Variants in SRPK2 observed in about 807,000 individuals in gnomAD.
SRPK2 encodes SRSF protein kinase 2.
Under a neutral mutation model 90.8 loss-of-function variants are expected in SRPK2, and 21 were observed. The ratio of observed to expected loss-of-function variants is 0.23; its 90% CI spans 0.16 to 0.33. The LOEUF is 0.33. SRPK2 is among the 10% of genes least tolerant of loss of function. The pLI is 1.00. For missense variants in SRPK2, 620 were observed against 869.0 expected, an observed-to-expected ratio of 0.71 and a Z score of 3.60; for synonymous variants, 288 against 311.1, an observed-to-expected ratio of 0.93 and a Z score of 0.78.
intron 2 of SRPK2, among the ~76,000 whole-genome samples, chr7:105,232,711 T>C (rs937071121): frequency 9.3e-5 from 4 of 43,154 alleles, no homozygotes; most frequent in South Asian, 5.9e-4. Context: ...AAAACAACAA[T>C]AATAATAAAA....
intron 2 of SRPK2, among the ~76,000 whole-genome samples, chr7:105,337,213 CG>C (rs1815196669): frequency 6.6e-6 from 1 of 152,010 alleles, no homozygotes; most frequent in African/African-American, 2.4e-5. Context: ...CCCCAAAATT[CG>C]TATGTTGAAG....
intron 15 of SRPK2, among the ~76,000 whole-genome samples, chr7:105,122,403 A>G (rs915122736): frequency 6.6e-6 from 1 of 152,210 alleles, no homozygotes; most frequent in African/African-American, 2.4e-5. Context: ...AGCATCATTC[A>G]TAATAGCCAA....
intron 2 of SRPK2, among the ~76,000 whole-genome samples, chr7:105,330,803 GACACC>G (rs1293050067): frequency 5.3e-5 from 8 of 152,058 alleles, no homozygotes; most frequent in African/African-American, 1.4e-4. Flanking sequence ...AATACAGTGA[GACACC>G]TGTCTCTATT....
intron 2 of SRPK2, among the ~76,000 whole-genome samples, chr7:105,364,005 C>T (rs187117602): frequency 7.7e-6 from 1 of 130,618 alleles, no homozygotes; most frequent in African/African-American, 2.9e-5. Context: ...GGACACAGGG[C>T]GGGGAACATC....
intron 2 of SRPK2, among the ~76,000 whole-genome samples, chr7:105,213,891 G>T (rs1217932623): frequency 6.6e-6 from 1 of 152,066 alleles, no homozygotes; most frequent in Non-Finnish European, 1.5e-5. Context: ...ACTTCCACAA[G>T]CTTTAGATCT....
At chr7:105,150,553 G>T (rs1239444022) in intron 7 of SRPK2, among the ~76,000 whole-genome samples, 4 of 152,140 alleles carry the variant, frequency 2.6e-5, no homozygotes, top group Admixed American at 6.5e-5. Flanking sequence ...AATGTCAAAG[G>T]ACCAATAGTA....
chr7:105,127,816 C>G (rs1372155604), intron 13 of SRPK2, among the ~76,000 whole-genome samples: 2 of 152,186 alleles, frequency 1.3e-5, no homozygotes, highest in African/African-American at 4.8e-5. Context: ...CTCTGCTGAT[C>G]AAAGAGAATG....
At chr7:105,139,555 GAC>G (rs1458895475) in intron 11 of SRPK2, among the ~76,000 whole-genome samples, 10 of 152,196 alleles carry the variant, frequency 6.6e-5, no homozygotes, top group Non-Finnish European at 1.2e-4. Context: ...AGTTTCCTGT[GAC>G]ACAGAGATGG....
At chr7:105,346,893 T>C (rs1431357807) in intron 2 of SRPK2, among the ~76,000 whole-genome samples, 1 of 151,232 alleles carries the variant, frequency 6.6e-6, no homozygotes, top group Non-Finnish European at 1.5e-5. Flanking sequence ...CACTGCATGA[T>C]TTAAGCAGCA....
intron 2 of SRPK2, among the ~76,000 whole-genome samples, chr7:105,226,878 G>A (rs1178977842): frequency 6.6e-6 from 1 of 151,564 alleles, no homozygotes; most frequent in Non-Finnish European, 1.5e-5. Flanking sequence ...GGAGGCAGAG[G>A]TTGCTGTAAG....
At chr7:105,350,724 A>AT (rs1027468152) in intron 2 of SRPK2, among the ~76,000 whole-genome samples, 1 of 151,042 alleles carries the variant, frequency 6.6e-6, no homozygotes, top group African/African-American at 2.4e-5. Flanking sequence ...GTTTCTCCAT[A>AT]TTGGCCAGGC....
chr7:105,222,092 T>C (rs769297299), intron 2 of SRPK2, among the ~76,000 whole-genome samples: 8 of 152,334 alleles, frequency 5.3e-5, no homozygotes, highest in Non-Finnish European at 7.3e-5. Context: ...GGGAAGATTG[T>C]ATATACTGTG....
At chr7:105,137,989 G>A (rs1441378286) in intron 11 of SRPK2, among the ~76,000 whole-genome samples, 1 of 152,176 alleles carries the variant, frequency 6.6e-6, no homozygotes, top group Non-Finnish European at 1.5e-5. Context: ...CGAAAACTGA[G>A]TGCTTCCAAA....
intron 1 of SRPK2, among the ~76,000 whole-genome samples, chr7:105,397,228 G>A (rs1822356423): frequency 2.0e-5 from 3 of 151,992 alleles, no homozygotes; most frequent in South Asian, 4.1e-4. Context: ...ATGTTGGCCA[G>A]GATGGTCTCG....
intron 2 of SRPK2, among the ~76,000 whole-genome samples, chr7:105,375,014 G>A (rs1425950275): frequency 6.6e-6 from 1 of 152,094 alleles, no homozygotes; most frequent in Non-Finnish European, 1.5e-5. Flanking sequence ...AGAGAAAAAG[G>A]CCAGAAGGAA....
intron 3 of SRPK2, among the ~76,000 whole-genome samples, chr7:105,191,275 ATT>A (rs1440735618): frequency 1.3e-5 from 2 of 152,184 alleles, no homozygotes; most frequent in African/African-American, 4.8e-5. Flanking sequence ...CTCTATCAAC[ATT>A]TTTAAAATCC....
intron 2 of SRPK2, among the ~76,000 whole-genome samples, chr7:105,255,191 C>T (rs1335101601): frequency 1.3e-5 from 2 of 149,272 alleles, no homozygotes; most frequent in African/African-American, 4.9e-5. Context: ...TTTGGTTCTA[C>T]CGGGGAAACT....
chr7:105,207,163 G>A (rs1221568592), intron 2 of SRPK2, among the ~76,000 whole-genome samples: 1 of 152,172 alleles, frequency 6.6e-6, no homozygotes, highest in African/African-American at 2.4e-5. Context: ...TTGAGACAGG[G>A]TCTCGCTCTG....
intron 2 of SRPK2, among the ~76,000 whole-genome samples, chr7:105,290,986 C>T (rs537448536): frequency 7.2e-6 from 1 of 139,494 alleles, no homozygotes; most frequent in African/African-American, 2.7e-5. Context: ...TGCAGTGAGC[C>T]GAGATTGCGC....
Sources: allele counts gnomAD v4.1 joint callset (sites outside exome capture counted in the v4.1 genomes callset), GRCh38; gene constraint gnomAD v4.1.1; transcripts MANE v1.5; gene names NCBI Gene and HGNC (gene_info 2026-07-23, HGNC 2026-07-21).